TUBGCP5: variants seen among roughly 807,000 people sequenced by gnomAD.
The protein encoded by TUBGCP5 is tubulin gamma complex component 5.
In TUBGCP5, 98 loss-of-function variants were observed where a neutral mutation model predicts 134.7. The ratio of observed to expected loss-of-function variants is 0.73; its 90% CI spans 0.62 to 0.86. The LOEUF (loss-of-function observed/expected upper bound fraction) is 0.86, where lower values mean the gene tolerates loss of function less well. TUBGCP5 is among the 40% of genes least tolerant of loss of function. The probability of loss-of-function intolerance (pLI) is 0.00; values close to 1 mark genes in which losing one functional copy is unlikely to be tolerated. For synonymous variants in TUBGCP5, 456 were observed against 431.4 expected, an observed-to-expected ratio of 1.06 and a Z score of -0.71; for missense variants, 1,150 against 1,244.8, an observed-to-expected ratio of 0.92 and a Z score of 1.15.
Position 23,030,965 on chromosome 15 carries a change from T to C in TUBGCP5, c.542A>G (p.Asp181Gly), listed in dbSNP as rs2066275533. ...TGTCCTGTCTACCTGAATTCCAGAG[T>C]CCTCTCTGCTTAAGGGCTGTTGATC... ...ENDQQPLSRE[D>G]SGIQVDRTPL... Residue 181 changes from aspartate to glycine, a missense_variant, in exon 6 of 23, where the codon GAC (aspartate) becomes GGC (glycine). Physicochemically the swap from Asp to Gly is moderately conservative, Grantham distance 94. Around this residue, in one of 2 missense-constraint regions of TUBGCP5, gnomAD observed 453 missense variants for 394.7 expected, o/e 1.15. Transcript: ENST00000615383. The C allele has an allele frequency of 6.2e-7, 1 of 1,613,454 alleles. No individual in the cohort carries two copies. Among genetic ancestry groups the C allele is most frequent in the African/African-American group, 1.3e-5 (1 of 74,960 alleles).
At chr15:23,012,873 G>C (rs2065115663) in intron 13 of TUBGCP5, among the ~76,000 whole-genome samples, 1 of 152,134 alleles carries the variant, frequency 6.6e-6, no homozygotes, top group Non-Finnish European at 1.5e-5. Context: ...TTAAGAGGCG[G>C]GTGGATCAGC....
At chr15:23,039,320 C>G (rs2066783624) in intron 1 of TUBGCP5, 78 bp downstream of exon 1, 2 of 1,234,650 alleles carry the variant, frequency 1.6e-6, no homozygotes, top group East Asian at 3.3e-5. Flanking sequence ...CCAGCGCGCC[C>G]CGACCCCGGG....
intron 12 of TUBGCP5, among the ~76,000 whole-genome samples, chr15:23,018,884 C>G (rs2065493344): frequency 6.6e-6 from 1 of 152,050 alleles, no homozygotes; most frequent in Non-Finnish European, 1.5e-5. Flanking sequence ...TGATAATTTA[C>G]AATGGAAATA....
intron 13 of TUBGCP5, 109 bp downstream of exon 13, chr15:23,017,664 A>G: frequency 1.9e-6 from 2 of 1,072,240 alleles, no homozygotes; most frequent in Non-Finnish European, 2.6e-6. Context: ...CCGAAATAAG[A>G]GGGTTTGATG....
At position 22,999,828 on chromosome 15, in the gene TUBGCP5, G is replaced by T; in HGVS notation, c.3067C>A (p.Gln1023Lys). Residue 1023 changes from glutamine (Q) to lysine (K), a missense_variant, in exon 23 of 23, where the codon CAA (glutamine) becomes AAA (lysine). This residue lies in a region of TUBGCP5 where 697 missense variants were observed against 850.1 expected (regional missense o/e 0.82). Coordinates refer to ENST00000615383, the MANE Select transcript of TUBGCP5 (RefSeq NM_052903.6). ...LALSLMAGME[Q>K]S ...TATTACGCTGAAGACATTTAACTTT[G>T]TTCCATGCCAGCCATGAGTGACAAC... The T allele has an allele frequency of 6.2e-7, 1 of 1,613,816 alleles. No homozygotes were observed. Among genetic ancestry groups the T allele is most frequent in the Non-Finnish European group, 8.5e-7 (1 of 1,179,752 alleles).
At chr15:23,032,956 T>A in intron 3 of TUBGCP5, 132 bp from the exon 4 acceptor site, 1 of 542,024 alleles carries the variant, frequency 1.8e-6, no homozygotes, top group Non-Finnish European at 3.1e-6. Context: ...GAGTTATACC[T>A]AAATAATCCT....
chr15:23,000,278 C>A (rs1004459874), intron 22 of TUBGCP5: 23 of 1,259,990 alleles, frequency 1.8e-5, no homozygotes, highest in Non-Finnish European at 2.0e-6. Context: ...AAAAACTACA[C>A]GATAGTGAAG....
intron 10 of TUBGCP5, chr15:23,023,443 G>C (rs73409399): frequency 0.033 from 5,167 of 155,116 alleles, 297 homozygotes; most frequent in African/African-American, 0.12. Context: ...GCAAAAGCCT[G>C]GGAACAACCT....
chr15:23,004,765 A>G (rs371758882), intron 19 of TUBGCP5, among the ~76,000 whole-genome samples: 2 of 152,132 alleles, frequency 1.3e-5, no homozygotes, highest in South Asian at 4.1e-4. Context: ...GTCAGGGGAA[A>G]CGTGGAGCCC....
rs1181276736 is a variant in TUBGCP5 at position 23,030,517 on chromosome 15, A to AT, written c.622+367dup. On this transcript the variant is annotated intron_variant, in intron 6 of 22. Coordinates refer to ENST00000615383, the MANE Select transcript of TUBGCP5 (RefSeq NM_052903.6). Reference sequence around the variant, plus strand: ...TCCTCCCTTATACTTTTTTATTTTAATTTTTTTTTGAGACAGGGTCTCGCT... The same window carrying AT: ...TCCTCCCTTATACTTTTTTATTTTAATTTTTTTTTTGAGACAGGGTCTCGCT... Among the ~76,000 whole-genome samples the AT allele has an allele frequency of 4.0e-5, 6 of 148,594 alleles. No homozygotes were observed. The East Asian group carries it at 8.3e-4, about 20-fold the overall frequency.
chr15:23,006,336 CA>C lies in TUBGCP5; in HGVS notation c.2343del (p.Phe781LeufsTer16). 6.2e-7 allele frequency: 1 copy of C among 1,605,764 alleles called. No individual in the cohort carries two copies. The highest frequency in any genetic ancestry group is 8.5e-7 in the Non-Finnish European group (1 of 1,178,136). On this transcript the variant is annotated frameshift_variant, in exon 17 of 23. Coordinates refer to ENST00000615383, the MANE Select transcript of TUBGCP5 (RefSeq NM_052903.6). LOFTEE classifies it high-confidence loss of function. ...TTCTTCTTAGCTGTGTCAACATTTT[CA>C]AAAGATATAGATAGACTAAAGAAAG... is the stretch of plus-strand genomic sequence containing the variant. Reference protein sequence around the residue: ...PEDSSRLSISFENVDTAKKKL... With the variant: ...PEDSSRLSISXENVDTAKKKL...
chr15:23,030,931 T>C lies in TUBGCP5; in HGVS notation c.576A>G (p.Glu192=). 3.1e-6 allele frequency: 5 copies of C among 1,613,748 alleles called. No homozygotes were observed. Among genetic ancestry groups the C allele is most frequent in the Non-Finnish European group, 4.2e-6 (5 of 1,179,912 alleles). Residue 192 remains glutamate (E), a synonymous_variant, in exon 6 of 23, where the codon GAA becomes GAG. Transcript: ENST00000615383. The part of the protein sequence containing the change: ...SGIQVDRTPL[E]EQDQNRKLDP... ...CCAGTTTTCTGTTTTGATCTTGTTC[T>C]TCTAACGGTGTCCTGTCTACCTGAA...
At position 22,989,038 on chromosome 15, in the gene TUBGCP5, C is replaced by T. The variant is rs2063771140; in HGVS notation, c.*62-5427G>A. ...CTCTGCCCTCAGGCTGCCCTGGCCT[C>T]ACACCTTTCTCTGACACTGTGCTTC... On this transcript the variant is annotated intron_variant and NMD_transcript_variant, in intron 23 of 23. Coordinates refer to the TUBGCP5 transcript ENST00000614508. Among the ~76,000 whole-genome samples the T allele has an allele frequency of 2.0e-5, 3 of 152,118 alleles. No individual in the cohort carries two copies. The South Asian group carries it at 6.2e-4, about 31-fold the overall frequency.
chr15:23,016,268 A>G (rs1884689361), intron 13 of TUBGCP5, among the ~76,000 whole-genome samples: 1 of 152,190 alleles, frequency 6.6e-6, no homozygotes, highest in Non-Finnish European at 1.5e-5. Flanking sequence ...CAAGGCGGGC[A>G]GATCACTTGA....
At chr15:23,037,989 C>T (rs543017436) in intron 1 of TUBGCP5, among the ~76,000 whole-genome samples, 9 of 152,308 alleles carry the variant, frequency 5.9e-5, no homozygotes, top group African/African-American at 1.7e-4. Context: ...TAGTCTCGAT[C>T]TCCTGACCTC....
At chr15:23,014,414 A>G (rs2065203856) in intron 13 of TUBGCP5, among the ~76,000 whole-genome samples, 1 of 152,218 alleles carries the variant, frequency 6.6e-6, no homozygotes, top group African/African-American at 2.4e-5. Flanking sequence ...AGGCCTGCAT[A>G]CTGGGCCTGC....
Position 22,988,774 on chromosome 15 carries a change from T to G in TUBGCP5, c.*62-5163A>C. Among the ~76,000 whole-genome samples, 2 of 151,830 alleles carry G rather than the reference T, an allele frequency of 1.3e-5. 1 individual carries two copies. The highest frequency in any genetic ancestry group is 4.2e-4 in the South Asian group (2 of 4,806). On this transcript the variant is annotated intron_variant and NMD_transcript_variant, in intron 23 of 23. Coordinates refer to the TUBGCP5 transcript ENST00000614508. ...ATCTGTTTTTTTGTTGTTTGTTGTT[T>G]GTTTGTTTTTTGAGACGGAGTCTTG... is the stretch of plus-strand genomic sequence containing the variant.
rs543566472 is a variant in TUBGCP5 at position 22,988,602 on chromosome 15, G to A, written c.*62-4991C>T. ...ACAAAAAAAATTAGCCGGGCGTGGT[G>A]GTGGGTGCCTGTAGTCCCAGCTACT... On this transcript the variant is annotated intron_variant and NMD_transcript_variant, in intron 23 of 23. Coordinates refer to the TUBGCP5 transcript ENST00000614508. 1.5e-3 allele frequency among the ~76,000 whole-genome samples: 227 copies of A among 151,578 alleles called. 1 individual carries two copies. Among genetic ancestry groups the A allele is most frequent in the African/African-American group, 4.2e-3 (174 of 41,280 alleles).
chr15:22,995,113 G>A (rs1455066407), downstream of TUBGCP5, among the ~76,000 whole-genome samples: 3 of 152,044 alleles, frequency 2.0e-5, no homozygotes, highest in African/African-American at 7.2e-5. Flanking sequence ...GCATGATGGT[G>A]TGCGTCTGTG....
Sources: allele counts gnomAD v4.1 joint callset (sites outside exome capture counted in the v4.1 genomes callset), GRCh38; gene constraint gnomAD v4.1.1; regional missense constraint gnomAD v4.1.1; transcripts MANE v1.5; gene names NCBI Gene and HGNC (gene_info 2026-07-23, HGNC 2026-07-21).